Variants in GALNT14 observed in about 807,000 individuals in gnomAD.
GALNT14 encodes polypeptide N-acetylgalactosaminyltransferase 14.
Under a neutral mutation model 77.5 loss-of-function variants are expected in GALNT14, and 60 were observed. The observed-to-expected ratio is 0.77, with a 90% CI of 0.63 to 0.96. The LOEUF (loss-of-function observed/expected upper bound fraction) is 0.96. Among genes scored for constraint, GALNT14 ranks in the 40% least tolerant of loss-of-function variants. The pLI is 0.00. For missense variants in GALNT14, 710 were observed against 731.0 expected (o/e 0.97, Z 0.33); for synonymous variants, 280 against 281.7 (o/e 0.99, Z 0.06).
chr2:31,083,164 C>G (rs539122674), intron 1 of GALNT14, among the ~76,000 whole-genome samples: 1 of 152,310 alleles, frequency 6.6e-6, no homozygotes, highest in Admixed American at 6.5e-5. Flanking sequence ...CTAGAAAGAG[C>G]CAGGCAAACT....
At chr2:30,986,285 C>T (rs185556511) in intron 2 of GALNT14, among the ~76,000 whole-genome samples, 1 of 152,328 alleles carries the variant, frequency 6.6e-6, no homozygotes, top group East Asian at 1.9e-4. Context: ...CAGCCCATGG[C>T]TCACGAGCTC....
At chr2:31,034,640 A>AGT (rs1161092459) in intron 1 of GALNT14, among the ~76,000 whole-genome samples, 1 of 151,684 alleles carries the variant, frequency 6.6e-6, no homozygotes, top group African/African-American at 2.4e-5. Flanking sequence ...GATTTAGTTT[A>AGT]GTTTGCTCTT....
chr2:30,932,133 C>T lies in GALNT14; in HGVS notation c.993G>A (p.Val331=), dbSNP rs767943091. The change falls in exon 10 of 15, where the codon GTG becomes GTA. Residue 331 remains valine, a synonymous_variant. Transcript: ENST00000349752. ...GSLEIVPCSR[V]GHVFRKKHPY... is the part of the protein sequence containing the mutation. ...GGTGCTTCTTCCGGAAGACGTGCCC[C>T]ACTCGGCTGCAGGGGACGATCTCTA... The T allele has an allele frequency of 2.5e-6, 4 of 1,572,708 alleles. No individual in the cohort carries two copies. The highest frequency in any genetic ancestry group is 3.4e-4 in the Middle Eastern group (2 of 5,944).
intron 1 of GALNT14, among the ~76,000 whole-genome samples, chr2:31,029,632 C>T (rs761468744): frequency 3.2e-4 from 48 of 152,174 alleles, no homozygotes; most frequent in Non-Finnish European, 6.5e-4. Flanking sequence ...TCCCCTTCCC[C>T]GGTCTAGGAC....
chr2:30,907,229 T>G (rs998264954), downstream of GALNT14, among the ~76,000 whole-genome samples: 2 of 151,702 alleles, frequency 1.3e-5, no homozygotes, highest in East Asian at 1.9e-4. Context: ...CTGAAGGAAA[T>G]AGAGACACAA....
At chr2:31,071,718 G>A (rs1400473917) in intron 1 of GALNT14, among the ~76,000 whole-genome samples, 1 of 152,174 alleles carries the variant, frequency 6.6e-6, no homozygotes, top group African/African-American at 2.4e-5. Context: ...TCTGGCCCCT[G>A]CCTGCCTCTG....
intron 1 of GALNT14, among the ~76,000 whole-genome samples, chr2:31,100,220 C>T (rs972567514): frequency 1.3e-5 from 2 of 151,918 alleles, no homozygotes; most frequent in African/African-American, 4.8e-5. Context: ...CAATGATGTA[C>T]AATAAGTCCT....
chr2:30,944,099 C>T (rs76932164), intron 8 of GALNT14, among the ~76,000 whole-genome samples: 2,694 of 152,314 alleles, frequency 0.018, 27 homozygotes, highest in Admixed American at 0.048. Flanking sequence ...TGCTGCCCTG[C>T]CTGAGGCAGG....
chr2:30,955,429 C>G (rs949535699), intron 6 of GALNT14, among the ~76,000 whole-genome samples, 189 bp downstream of exon 6: 1 of 152,168 alleles, frequency 6.6e-6, no homozygotes, highest in African/African-American at 2.4e-5. Context: ...CTTGCTCCAC[C>G]ACTGACTGCC....
At chr2:31,132,853 T>C (rs1206412555) in intron 1 of GALNT14, 1 of 393,406 alleles carries the variant, frequency 2.5e-6, no homozygotes, top group Admixed American at 3.1e-5. Context: ...GGCCACAAAA[T>C]TCTAAACCTC....
At chr2:31,080,114 A>G (rs1676065771) in intron 1 of GALNT14, among the ~76,000 whole-genome samples, 1 of 152,244 alleles carries the variant, frequency 6.6e-6, no homozygotes, top group African/African-American at 2.4e-5. Context: ...AAGAGTTTAA[A>G]TGAAACAGGA....
chr2:30,889,782 C>T, the GALNT14 span, among the ~76,000 whole-genome samples: 1 of 152,174 alleles, frequency 6.6e-6, no homozygotes, highest in Non-Finnish European at 1.5e-5. Context: ...GGCCTTTGTA[C>T]CACAGCACGT....
chr2:31,038,717 G>C (rs948648391), intron 1 of GALNT14, among the ~76,000 whole-genome samples: 6 of 151,474 alleles, frequency 4.0e-5, no homozygotes, highest in Non-Finnish European at 8.8e-5. Flanking sequence ...AAAATCCCAC[G>C]AAGCTCTTTA....
chr2:31,036,241 A>G (rs757924506), intron 1 of GALNT14, among the ~76,000 whole-genome samples: 3 of 152,116 alleles, frequency 2.0e-5, no homozygotes, highest in Non-Finnish European at 4.4e-5. Flanking sequence ...TTTATGTTAA[A>G]TGGATATCTT....
Position 31,123,562 on chromosome 2 carries a change from T to C in GALNT14, c.129+14396A>G, listed in dbSNP as rs1678529929. Among the ~76,000 whole-genome samples the C allele has an allele frequency of 2.0e-5, 3 of 152,292 alleles. No homozygotes were observed. In the South Asian group the frequency reaches 6.2e-4, roughly 32 times the overall value. On this transcript the variant is annotated intron_variant, in intron 1 of 14. Coordinates refer to ENST00000349752, the MANE Select transcript of GALNT14 (RefSeq NM_024572.4). ...GGACAAGTGGATTGCGGCAAATGCT[T>C]CTTTCAAAAAAATCACTAAAATGAC...
At chr2:30,959,774 G>C (rs770288576) in intron 3 of GALNT14, among the ~76,000 whole-genome samples, 15 of 152,144 alleles carry the variant, frequency 9.9e-5, no homozygotes, top group African/African-American at 2.9e-4. Flanking sequence ...CCAGGGGCAA[G>C]GTTAACTCTG....
chr2:30,955,262 A>ACACC (rs1319289990), intron 6 of GALNT14, among the ~76,000 whole-genome samples: 5 of 152,144 alleles, frequency 3.3e-5, no homozygotes, highest in African/African-American at 9.7e-5. Context: ...TCTACAAAAG[A>ACACC]CACCCATAAG....
chr2:31,108,727 T>A (rs1041974394), intron 1 of GALNT14, among the ~76,000 whole-genome samples: 12 of 152,228 alleles, frequency 7.9e-5, no homozygotes, highest in African/African-American at 2.7e-4. Context: ...GAGGACTATA[T>A]AAGCATTAAT....
At chr2:31,000,978 G>A (rs950152504) in intron 1 of GALNT14, among the ~76,000 whole-genome samples, 3 of 152,180 alleles carry the variant, frequency 2.0e-5, no homozygotes, top group African/African-American at 7.2e-5. Context: ...AGGAAAGTGA[G>A]GCACAGGGAG....
Sources: allele counts gnomAD v4.1 joint callset (sites outside exome capture counted in the v4.1 genomes callset), GRCh38; gene constraint gnomAD v4.1.1; transcripts MANE v1.5; gene names NCBI Gene and HGNC (gene_info 2026-07-23, HGNC 2026-07-21).